The following MYO16 variants were observed in gnomAD, a reference collection of about 807,000 sequenced individuals.
The protein encoded by MYO16 is myosin XVI.
Under a neutral mutation model 205.3 loss-of-function variants are expected in MYO16, and 94 were observed. The ratio of observed to expected loss-of-function variants is 0.46; its 90% CI spans 0.39 to 0.54. MYO16 has a LOEUF of 0.54. Among genes scored for constraint, MYO16 ranks in the 20% least tolerant of loss-of-function variants. The probability of loss-of-function intolerance (pLI) is 0.00; values close to 1 mark genes in which losing one functional copy is unlikely to be tolerated. For synonymous variants in MYO16, 988 were observed against 954.0 expected (o/e 1.04, Z -0.66); for missense variants, 2,315 against 2,387.5 (o/e 0.97, Z 0.63).
intron 4 of MYO16, among the ~76,000 whole-genome samples, chr13:108,759,737 C>T (rs572044169): frequency 3.3e-5 from 5 of 150,962 alleles, no homozygotes; most frequent in Admixed American, 6.6e-5. Context: ...AGGAGAATGG[C>T]GTGAACCCAG....
At position 109,127,547 on chromosome 13, in the gene MYO16, G is replaced by A. The variant is rs1186534652; in HGVS notation, c.4048G>A (p.Glu1350Lys). The change falls in exon 31 of 35, where the codon GAA becomes AAA. Residue 1350 changes from glutamate (E) to lysine (K), a missense_variant. By Grantham distance (56) the Glu-to-Lys change is moderately conservative. Around this residue, in one of 3 missense-constraint regions of MYO16, gnomAD observed 1,097 missense variants for 1,092.0 expected, o/e 1.00. Coordinates refer to ENST00000457511, the MANE Select transcript of MYO16 (RefSeq NM_001198950.3). The surrounding 1 kb of genome is among the most constrained non-coding windows in gnomAD (Gnocchi z 4.2). ...CLSAAREAAN[E>K]ALARPRPHSD... ...CTCCGCGGCCAGGGAAGCGGCCAACGAAGGTCAGCCCTGGGGAGGGACCCA... is the reference window on the plus strand; with the variant it reads ...CTCCGCGGCCAGGGAAGCGGCCAACAAAGGTCAGCCCTGGGGAGGGACCCA... The A allele has an allele frequency of 4.3e-6, 7 of 1,609,364 alleles. 1 individual carries two copies. Among genetic ancestry groups the A allele is most frequent in the Middle Eastern group, 1.7e-4 (1 of 6,056 alleles).
At chr13:108,608,157 G>A (rs1005656704) in intron 1 of MYO16, among the ~76,000 whole-genome samples, 1 of 152,138 alleles carries the variant, frequency 6.6e-6, no homozygotes, top group African/African-American at 2.4e-5. Context: ...TGTTTTGGAA[G>A]CTTCACATGA....
At chr13:109,016,581 T>C (rs1341977490) in intron 22 of MYO16, among the ~76,000 whole-genome samples, 1 of 151,790 alleles carries the variant, frequency 6.6e-6, no homozygotes, top group Non-Finnish European at 1.5e-5. Context: ...CCGTTATTAT[T>C]GTGTGGGAGT....
intron 32 of MYO16, among the ~76,000 whole-genome samples, chr13:109,148,311 C>T (rs139412028): frequency 3.3e-5 from 5 of 152,240 alleles, no homozygotes; most frequent in African/African-American, 1.2e-4. Context: ...CAACTTGTAG[C>T]GCTTTCTCTA....
the MYO16 span, among the ~76,000 whole-genome samples, chr13:108,496,370 C>T: frequency 1.3e-5 from 2 of 152,182 alleles, no homozygotes; most frequent in African/African-American, 4.8e-5. Context: ...CTGCTTCCTC[C>T]TCCTCTGTTT....
intron 21 of MYO16, among the ~76,000 whole-genome samples, chr13:108,998,901 C>T (rs548186789): frequency 1.3e-5 from 2 of 152,180 alleles, no homozygotes. Flanking sequence ...AGAGTGGCTT[C>T]CCCAAAGGAG....
intron 11 of MYO16, 83 bp from the exon 12 acceptor site, chr13:108,866,094 C>G: frequency 1.2e-6 from 1 of 865,664 alleles, no homozygotes; most frequent in Non-Finnish European, 1.7e-6. Context: ...ATTTCATACA[C>G]TGGTTTTTAA....
intron 2 of MYO16, among the ~76,000 whole-genome samples, chr13:108,702,552 A>T (rs4635193): frequency 0.78 from 118,072 of 152,218 alleles, 46,012 homozygotes; most frequent in East Asian, 0.98. Flanking sequence ...GCAAAGGGAA[A>T]CTTTCAGGCT....
chr13:109,163,683 T>G (rs578069992), intron 32 of MYO16, among the ~76,000 whole-genome samples: 28 of 152,284 alleles, frequency 1.8e-4, no homozygotes, highest in African/African-American at 6.7e-4. Flanking sequence ...CATAATCCAA[T>G]TTGTCTTTTA....
At position 108,866,190 on chromosome 13, in the gene MYO16, A is replaced by G; in HGVS notation, c.1373A>G (p.Asp458Gly). ...CTTTTTTCACAGACATTCATTGGAG[A>G]CATTCTTTTGCTTGTTAACCCATAC... is the stretch of plus-strand genomic sequence containing the variant. ...GNNQIYTFIG[D>G]ILLLVNPYKE... Residue 458 changes from aspartate to glycine, a missense_variant, in exon 12 of 35, where the codon GAC (aspartate) becomes GGC (glycine). Transcript: ENST00000457511. 6.2e-7 allele frequency: 1 copy of G among 1,603,274 alleles called. No individual in the cohort carries two copies. The highest frequency in any genetic ancestry group is 8.5e-7 in the Non-Finnish European group (1 of 1,173,656).
At chr13:109,011,375 G>A (rs1885590688) in intron 22 of MYO16, among the ~76,000 whole-genome samples, 1 of 152,112 alleles carries the variant, frequency 6.6e-6, no homozygotes, top group Non-Finnish European at 1.5e-5. Context: ...CGTGTCTCAT[G>A]GCTGGCATTA....
chr13:108,695,287 C>T (rs1359008139), intron 2 of MYO16, among the ~76,000 whole-genome samples: 1 of 152,138 alleles, frequency 6.6e-6, no homozygotes, highest in Non-Finnish European at 1.5e-5. Flanking sequence ...CACTTCCTTC[C>T]TCATTGAATG....
intron 20 of MYO16, among the ~76,000 whole-genome samples, chr13:108,990,108 C>T (rs1194754161): frequency 6.6e-6 from 1 of 151,562 alleles, no homozygotes; most frequent in Non-Finnish European, 1.5e-5. Context: ...TATCACCAAA[C>T]TGCTTTAAGA....
At chr13:109,179,688 A>G in intron 34 of MYO16, 55 bp downstream of exon 34, 3 of 1,412,292 alleles carry the variant, frequency 2.1e-6, no homozygotes, top group Non-Finnish European at 3.0e-6. Context: ...AAGTTATGAC[A>G]AGGCATTCAT....
chr13:108,759,426 G>C (rs1203561484), intron 4 of MYO16, among the ~76,000 whole-genome samples: 2 of 152,204 alleles, frequency 1.3e-5, no homozygotes, highest in Non-Finnish European at 2.9e-5. Flanking sequence ...TCATTGGCAA[G>C]TTAAGACGTG....
rs561399913 is a variant in MYO16, at chr13:109,141,442, A to G, written c.5164+66A>G. On this transcript the variant is annotated intron_variant, in intron 32 of 34. Coordinates refer to ENST00000457511, the MANE Select transcript of MYO16 (RefSeq NM_001198950.3). The surrounding 1 kb of genome is among the most constrained non-coding windows in gnomAD (Gnocchi z 4.1). ...GCTGTGCTTGCGTGCACCTGTGTACATCCGTGTCTGCGCAGATGTGAAATA... is the reference window on the plus strand; with the variant it reads ...GCTGTGCTTGCGTGCACCTGTGTACGTCCGTGTCTGCGCAGATGTGAAATA... 9 of 1,091,694 alleles carry G rather than the reference A, an allele frequency of 8.2e-6. No homozygotes were observed. The highest frequency in any genetic ancestry group is 5.6e-5 in the South Asian group (3 of 53,796). 67.6% of individuals were successfully genotyped at this position (1,091,694 alleles called of 1,614,324 possible).
At chr13:108,991,081 A>G (rs1284948652) in intron 20 of MYO16, among the ~76,000 whole-genome samples, 2 of 152,222 alleles carry the variant, frequency 1.3e-5, no homozygotes, top group Non-Finnish European at 2.9e-5. Context: ...CAGTTGTCCC[A>G]TTCATACTAT....
At chr13:109,060,780 A>C (rs1382129651) in intron 27 of MYO16, among the ~76,000 whole-genome samples, 1 of 152,170 alleles carries the variant, frequency 6.6e-6, no homozygotes, top group Non-Finnish European at 1.5e-5. Flanking sequence ...AATTGGCTTC[A>C]ACTTAAAATT....
At chr13:108,565,490 A>G in the MYO16 span, among the ~76,000 whole-genome samples, 7 of 152,150 alleles carry the variant, frequency 4.6e-5, no homozygotes, top group Admixed American at 1.3e-4. Flanking sequence ...GACTCTTGGC[A>G]TATAGAAATG....
Sources: allele counts gnomAD v4.1 joint callset (sites outside exome capture counted in the v4.1 genomes callset), GRCh38; gene constraint gnomAD v4.1.1; regional missense constraint gnomAD v4.1.1; non-coding constraint Gnocchi (gnomAD v3.1); transcripts MANE v1.5; gene names NCBI Gene and HGNC (gene_info 2026-07-23, HGNC 2026-07-21).